The following ADAMTS8 variants were observed in gnomAD, a reference collection of about 807,000 sequenced individuals.
ADAMTS8 encodes the protein A disintegrin and metalloproteinase with thrombospondin motifs 8.
ADAMTS8 carries 50 observed loss-of-function variants against 64.4 expected under a neutral mutation model. The observed-to-expected ratio is 0.78, with a 90% CI of 0.62 to 0.98. The LOEUF is 0.98. ADAMTS8 is among the 50% of genes least tolerant of loss of function. The pLI, the probability that ADAMTS8 is intolerant of heterozygous loss-of-function variation, is 0.00. For missense variants in ADAMTS8, 1,192 were observed against 1,208.2 expected (o/e 0.99, Z 0.20); for synonymous variants, 556 against 533.6 (o/e 1.04, Z -0.58).
rs1043113788 is a variant in ADAMTS8 at position 130,417,129 on chromosome 11, T to C, written c.961-54A>G. ...GCATCAGTGTGTGTGTGGGGTGCGC[T>C]GCAGGCCTGCAGGGCCGGGTGTGGC... On this transcript the variant is annotated intron_variant, in intron 2 of 8. Transcript: ENST00000257359. 4.9e-5 allele frequency: 79 copies of C among 1,602,306 alleles called. No homozygotes were observed. The African/African-American group carries it at 8.7e-4, about 18-fold the overall frequency.
chr11:130,418,986 G>A (rs1308584609), intron 2 of ADAMTS8, 67 bp downstream of exon 2: 2 of 1,600,708 alleles, frequency 1.2e-6, no homozygotes, highest in Non-Finnish European at 1.7e-6. Context: ...CAGGCCTCGT[G>A]GTCCTCCCTT....
At chr11:130,412,029 T>C (rs1440031153) in intron 5 of ADAMTS8, 1 of 181,588 alleles carries the variant, frequency 5.5e-6, no homozygotes, top group Non-Finnish European at 1.2e-5. Context: ...ATCTAGTGGG[T>C]AGAGGCCAGT....
At chr11:130,425,717 C>T (rs932345807) in intron 1 of ADAMTS8, among the ~76,000 whole-genome samples, 2 of 151,964 alleles carry the variant, frequency 1.3e-5, no homozygotes, top group African/African-American at 2.4e-5. Flanking sequence ...TCTCCTGCCT[C>T]AGCCTCCCGA....
intron 5 of ADAMTS8, among the ~76,000 whole-genome samples, chr11:130,412,282 C>T (rs565947984): frequency 1.1e-4 from 17 of 152,306 alleles, no homozygotes; most frequent in Non-Finnish European, 2.2e-4. Flanking sequence ...GGCGTGATCT[C>T]GGCTCACTGC....
At position 130,414,792 on chromosome 11, in the gene ADAMTS8, GAGGGGCAGGGCCGCAGC is replaced by G; in HGVS notation, c.1288_1304del (p.Ala430ProfsTer45). On this transcript the variant is annotated frameshift_variant, in exon 5 of 9. Transcript: ENST00000257359. LOFTEE classifies it high-confidence loss of function. The stretch of plus-strand genomic sequence containing the variant: ...CCATGCGGCCCGGGAGGCCTGTGGG[GAGGGGCAGGGCCGCAGC>G]AGGGGCATCCAGGAGACAGTCTCCT... The G allele has an allele frequency of 6.2e-7, 1 of 1,612,594 alleles. No individual in the cohort carries two copies. Among genetic ancestry groups the G allele is most frequent in the Non-Finnish European group, 8.5e-7 (1 of 1,179,560 alleles).
At chr11:130,419,017 C>CCTTCCT in intron 2 of ADAMTS8, 36 bp downstream of exon 2, 1 of 1,612,534 alleles carries the variant, frequency 6.2e-7, no homozygotes, top group Non-Finnish European at 8.5e-7. Flanking sequence ...ATCCTGTCTC[C>CCTTCCT]CTTCCTCCCC....
At position 130,408,815 on chromosome 11, in the gene ADAMTS8, A is replaced by G; in HGVS notation, c.1876T>C (p.Phe626Leu). 6.2e-7 allele frequency: 1 copy of G among 1,614,148 alleles called. No individual in the cohort carries two copies. The highest frequency in any genetic ancestry group is 8.5e-7 in the Non-Finnish European group (1 of 1,180,032). Residue 626 changes from phenylalanine (F) to leucine (L), a missense_variant, in exon 7 of 9, where the codon TTC becomes CTC. By Grantham distance (22) the Phe-to-Leu change is conservative. Transcript: ENST00000257359. ...GVSPRDRCKLFCRARGRSEFK... is the reference protein window; with the variant it reads ...GVSPRDRCKLLCRARGRSEFK... ...TCGCTCCTCCCCCGGGCTCGGCAGAACAACTTGCAGCGGTCCCGGGGGGAC... is the reference window on the plus strand; with the variant it reads ...TCGCTCCTCCCCCGGGCTCGGCAGAGCAACTTGCAGCGGTCCCGGGGGGAC...
rs1358550052 is a variant in ADAMTS8 at position 130,411,656 on chromosome 11, C to G, written c.1567-56G>C. The G allele has an allele frequency of 1.3e-6, 2 of 1,575,794 alleles. No homozygotes were observed. Among genetic ancestry groups the G allele is most frequent in the East Asian group, 2.2e-5 (1 of 44,516 alleles). ...AGCAAAGGCCAGGAGGCTTCAGTAT[C>G]TGTGTCACTGGGTGGCCAATGCCCT... On this transcript the variant is annotated intron_variant, in intron 5 of 8. Transcript: ENST00000257359. The surrounding 1 kb of genome is among the most constrained non-coding windows in gnomAD (Gnocchi z 4.2).
intron 6 of ADAMTS8, 35 bp from the exon 7 acceptor site, chr11:130,408,975 C>G (rs1444223167): frequency 1.3e-6 from 2 of 1,506,806 alleles, no homozygotes; most frequent in African/African-American, 1.4e-5. Context: ...GAGGTGACAC[C>G]CATGCGGAAG....
intron 1 of ADAMTS8, among the ~76,000 whole-genome samples, chr11:130,421,803 G>C (rs1302192851): frequency 6.6e-6 from 1 of 152,214 alleles, no homozygotes; most frequent in East Asian, 1.9e-4. Context: ...GCCTGACTGA[G>C]AGTCCTGTGG....
chr11:130,410,461 C>T (rs569142471), intron 6 of ADAMTS8, among the ~76,000 whole-genome samples: 3 of 152,336 alleles, frequency 2.0e-5, no homozygotes, highest in South Asian at 4.1e-4. Context: ...TTCCCAGCAA[C>T]GTCTCACCCT....
chr11:130,413,734 G>A (rs749982432), intron 5 of ADAMTS8, among the ~76,000 whole-genome samples: 15 of 152,068 alleles, frequency 9.9e-5, no homozygotes, highest in East Asian at 3.9e-4. Context: ...CTTTGAATAC[G>A]GAATTCCCAC....
rs1861994302 is a variant in ADAMTS8, at chr11:130,414,571, T to C, written c.1526A>G (p.Glu509Gly). ...TTCCTCCTCAGGTAGACAGCTGCCTTCTGAGCAGAGGTGCCCAGGCCCGCA... is the reference window on the plus strand; with the variant it reads ...TTCCTCCTCAGGTAGACAGCTGCCTCCTGAGCAGAGGTGCCCAGGCCCGCA... The part of the protein sequence containing the change: ...TPCGPGHLCS[E>G]GSCLPEEEVE... The change falls in exon 5 of 9, where the codon GAA becomes GGA. Residue 509 changes from glutamate (E) to glycine (G), a missense_variant. Glu to Gly is a moderately conservative substitution (Grantham distance 98, BLOSUM62 -2). Transcript: ENST00000257359. 1.2e-6 allele frequency: 2 copies of C among 1,610,604 alleles called. No homozygotes were observed.
At position 130,419,293 on chromosome 11, in the gene ADAMTS8, C is replaced by G. The variant is rs1319503892; in HGVS notation, c.721-1G>C. 6.2e-7 allele frequency: 1 copy of G among 1,613,824 alleles called. No homozygotes were observed. Among genetic ancestry groups the G allele is most frequent in the Non-Finnish European group, 8.5e-7 (1 of 1,180,040 alleles). On this transcript the variant is annotated splice_acceptor_variant, in intron 1 of 8. Transcript: ENST00000257359. LOFTEE classifies it high-confidence loss of function. The stretch of plus-strand genomic sequence containing the variant: ...CAGACATTAACGTCAGGATGTGGTT[C>G]TGTCAGGAAGGAGGAGACAAGAGGC...
intron 6 of ADAMTS8, among the ~76,000 whole-genome samples, 173 bp from the exon 7 acceptor site, chr11:130,409,113 T>C (rs1424286475): frequency 6.6e-6 from 1 of 152,136 alleles, no homozygotes; most frequent in Non-Finnish European, 1.5e-5. Flanking sequence ...TGTGTGACCC[T>C]TACTCAAAAG....
chr11:130,406,889 G>A (rs1364716767), intron 8 of ADAMTS8, among the ~76,000 whole-genome samples: 1 of 152,154 alleles, frequency 6.6e-6, no homozygotes, highest in Non-Finnish European at 1.5e-5. Flanking sequence ...AGAAAGTGAG[G>A]CGAGTGGTCA....
At position 130,419,037 on chromosome 11, in the gene ADAMTS8, G is replaced by A. The variant is rs759004742; in HGVS notation, c.960+16C>T. The A allele has an allele frequency of 6.8e-6, 11 of 1,613,480 alleles. No homozygotes were observed. Among genetic ancestry groups the A allele is most frequent in the South Asian group, 3.3e-5 (3 of 91,062 alleles). On this transcript the variant is annotated intron_variant, in intron 2 of 8. Coordinates refer to ENST00000257359, the MANE Select transcript of ADAMTS8 (RefSeq NM_007037.6). ...GTCTCCCTTCCTCCCCAGGGCTTCC[G>A]GAGCCAGGCACGGACCTGTCTGGTG... is the stretch of plus-strand genomic sequence containing the variant.
At chr11:130,426,180 C>T (rs1318964503) in intron 1 of ADAMTS8, among the ~76,000 whole-genome samples, 1 of 152,198 alleles carries the variant, frequency 6.6e-6, no homozygotes, top group Non-Finnish European at 1.5e-5. Flanking sequence ...GTAGTCAGCA[C>T]CTGCAGTAGC....
chr11:130,424,516 C>T (rs58241307), intron 1 of ADAMTS8, among the ~76,000 whole-genome samples: 4,645 of 152,202 alleles, frequency 0.031, 253 homozygotes, highest in African/African-American at 0.11. Context: ...GAACTCTAAG[C>T]CCTAGAGAGG....
Sources: allele counts gnomAD v4.1 joint callset (sites outside exome capture counted in the v4.1 genomes callset), GRCh38; gene constraint gnomAD v4.1.1; non-coding constraint Gnocchi (gnomAD v3.1); transcripts MANE v1.5; gene names NCBI Gene and HGNC (gene_info 2026-07-23, HGNC 2026-07-21).